Variants in SORL1 observed in about 807,000 individuals in gnomAD.
SORL1 encodes the protein sortilin-related receptor.
A neutral mutation model predicts 273.7 loss-of-function variants in SORL1; 127 were observed. That is an observed-to-expected ratio of 0.46 (90% CI 0.40 to 0.54). SORL1 has a LOEUF of 0.54. SORL1 is among the 20% of genes least tolerant of loss of function. SORL1 has a pLI of 0.00. For synonymous variants in SORL1, 1,031 were observed against 1,067.4 expected, an observed-to-expected ratio of 0.97 and a Z score of 0.66; for missense variants, 2,494 against 2,846.1, an observed-to-expected ratio of 0.88 and a Z score of 2.81.
chr11:121,564,672 G>A (rs1274217281), intron 21 of SORL1, among the ~76,000 whole-genome samples: 1 of 152,052 alleles, frequency 6.6e-6, no homozygotes, highest in African/African-American at 2.4e-5. Context: ...TGTCTCCTGG[G>A]CTTAAGCAAT....
chr11:121,529,965 CTA>C (rs1475434633), intron 11 of SORL1, among the ~76,000 whole-genome samples: 2 of 151,988 alleles, frequency 1.3e-5, no homozygotes, highest in Non-Finnish European at 2.9e-5. Flanking sequence ...GGGGGCTTAT[CTA>C]TGTGTATTTC....
chr11:121,581,400 A>G (rs932051566), intron 25 of SORL1, among the ~76,000 whole-genome samples: 2 of 152,216 alleles, frequency 1.3e-5, no homozygotes, highest in African/African-American at 4.8e-5. Flanking sequence ...GACCTATATT[A>G]GAAACTGATG....
At chr11:121,454,763 G>T (rs1424901878) in intron 1 of SORL1, among the ~76,000 whole-genome samples, 1 of 152,242 alleles carries the variant, frequency 6.6e-6, no homozygotes, top group Non-Finnish European at 1.5e-5. Context: ...AGACCCTTCA[G>T]AATGCAAGCA....
Position 121,627,266 on chromosome 11 carries a change from C to T in SORL1, c.6365-289C>T. On this transcript the variant is annotated intron_variant, in intron 46 of 47. Coordinates refer to ENST00000260197, the MANE Select transcript of SORL1 (RefSeq NM_003105.6). This position sits in a 1 kb window ranked among gnomAD's most constrained non-coding sequence, Gnocchi z 4.9. ...AATGAAATCAATGTTGATACCCCAA[C>T]AAAGGTCTCCCTTCCAAGAGATTAT... is the stretch of plus-strand genomic sequence containing the variant. 1 of 407,844 alleles carries T rather than the reference C, an allele frequency of 2.5e-6. No individual in the cohort carries two copies. The highest frequency in any genetic ancestry group is 4.5e-6 in the Non-Finnish European group (1 of 224,474). The allele number at this position is 407,844 out of a possible 1,614,324, so 25.3% of individuals were successfully genotyped here. A position where few individuals can be genotyped will look rare whatever the true frequency, so the allele number is the denominator to read the frequency against.
At chr11:121,457,319 G>A (rs956565643) in intron 1 of SORL1, among the ~76,000 whole-genome samples, 5 of 152,154 alleles carry the variant, frequency 3.3e-5, no homozygotes, top group Non-Finnish European at 4.4e-5. Context: ...AACAAAATTT[G>A]TACAAAAGCG....
At chr11:121,621,989 A>G (rs746379388) in intron 44 of SORL1, among the ~76,000 whole-genome samples, 173 bp from the exon 45 acceptor site, 1 of 152,248 alleles carries the variant, frequency 6.6e-6, no homozygotes, top group Non-Finnish European at 1.5e-5. Context: ...AGAGATGCCA[A>G]TAAAGAATAT....
chr11:121,538,460 T>C (rs1231165906), intron 12 of SORL1, among the ~76,000 whole-genome samples: 3 of 152,152 alleles, frequency 2.0e-5, no homozygotes, highest in East Asian at 1.9e-4. Context: ...AGCATAATGA[T>C]TTTGAGATTT....
rs1591327037 is a variant in SORL1, at chr11:121,559,466, A to C, written c.2911-53A>C. ...GGGGGAACTCTTACCCTTAGAGAGA[A>C]CCAGAATAAAGAACGAAAGAGCTGG... is the stretch of plus-strand genomic sequence containing the variant. On this transcript the variant is annotated intron_variant, in intron 20 of 47. Coordinates refer to ENST00000260197, the MANE Select transcript of SORL1 (RefSeq NM_003105.6). The C allele has an allele frequency of 6.3e-6, 10 of 1,578,278 alleles. No individual in the cohort carries two copies. In the East Asian group the frequency reaches 2.2e-4, roughly 35 times the overall value.
At chr11:121,511,537 C>T (rs1368355031) in intron 6 of SORL1, among the ~76,000 whole-genome samples, 1 of 152,146 alleles carries the variant, frequency 6.6e-6, no homozygotes, top group African/African-American at 2.4e-5. Flanking sequence ...GAACTGTTTT[C>T]TTATTCAGTT....
intron 2 of SORL1, among the ~76,000 whole-genome samples, chr11:121,471,711 A>G (rs1340253937): frequency 6.6e-6 from 1 of 152,104 alleles, no homozygotes; most frequent in Non-Finnish European, 1.5e-5. Flanking sequence ...GTTGAGAAGC[A>G]GGTGTTGGGA....
Position 121,595,766 on chromosome 11 carries a change from A to C in SORL1, c.4513A>C (p.Asn1505His), listed in dbSNP as rs1364025830. 2 of 1,612,380 alleles carry C rather than the reference A, an allele frequency of 1.2e-6. No individual in the cohort carries two copies. The highest frequency in any genetic ancestry group is 1.1e-5 in the South Asian group (1 of 91,052). The stretch of plus-strand genomic sequence containing the variant: ...TTGCCAGGATGGCCGGGACGAGGCC[A>C]ATTGCCGTGAGTAGTCAGAGAGCCC... ...QDCQDGRDEA[N>H]CPTHSTLTCM... The change falls in exon 32 of 48, where the codon AAT (asparagine) becomes CAT (histidine). Residue 1505 changes from asparagine to histidine, a missense_variant. By Grantham distance (68) the Asn-to-His change is moderately conservative (BLOSUM62 1). This residue lies in a region of SORL1 where 1,609 missense variants were observed against 1,816.4 expected (regional missense o/e 0.89). Transcript: ENST00000260197. The surrounding 1 kb of genome is among the most constrained non-coding windows in gnomAD (Gnocchi z 5.1).
chr11:121,484,325 A>G (rs1861439499), intron 3 of SORL1, among the ~76,000 whole-genome samples: 1 of 152,192 alleles, frequency 6.6e-6, no homozygotes, highest in Admixed American at 6.5e-5. Context: ...TAAGTATTTC[A>G]TTTAGGCCCT....
chr11:121,578,133 T>C lies in SORL1; in HGVS notation c.3580+733T>C, dbSNP rs532774202. Among the ~76,000 whole-genome samples the C allele has an allele frequency of 4.6e-5, 7 of 152,342 alleles. No homozygotes were observed. In the South Asian group the frequency reaches 1.2e-3, roughly 27 times the overall value. On this transcript the variant is annotated intron_variant, in intron 25 of 47. Transcript: ENST00000260197. ...TTTTTGTTCCAGATTTTATTACTCATTGAGTAAATTTGCTCTACAGCCTCC... is the reference window on the plus strand; with the variant it reads ...TTTTTGTTCCAGATTTTATTACTCACTGAGTAAATTTGCTCTACAGCCTCC...
At chr11:121,542,302 C>T (rs1409375502) in intron 12 of SORL1, among the ~76,000 whole-genome samples, 4 of 152,206 alleles carry the variant, frequency 2.6e-5, no homozygotes, top group Non-Finnish European at 5.9e-5. Context: ...TTTTCCCCTT[C>T]AATCCGGGAT....
At chr11:121,515,023 G>A (rs1474469366) in intron 8 of SORL1, among the ~76,000 whole-genome samples, 1 of 152,248 alleles carries the variant, frequency 6.6e-6, no homozygotes, top group South Asian at 2.1e-4. Flanking sequence ...AGAGTCTCCC[G>A]TGTGAAGCTG....
intron 5 of SORL1, among the ~76,000 whole-genome samples, chr11:121,495,463 C>G (rs150287610): frequency 6.6e-6 from 1 of 152,236 alleles, no homozygotes; most frequent in Admixed American, 6.5e-5. Flanking sequence ...ATGCTCTTGA[C>G]AGTATATCTC....
chr11:121,590,580 T>G (rs1022256169), intron 30 of SORL1: 1 of 575,118 alleles, frequency 1.7e-6, no homozygotes, highest in African/African-American at 1.9e-5. Context: ...TCATGTGGAA[T>G]GCAGACTTGC....
rs779812107 is a variant in SORL1 at position 121,621,045 on chromosome 11, T to G, written c.5890-19T>G. 2.2e-5 allele frequency: 34 copies of G among 1,559,716 alleles called. No individual in the cohort carries two copies. The South Asian group carries it at 3.6e-4, about 17-fold the overall frequency. On this transcript the variant is annotated intron_variant, in intron 43 of 47. Coordinates refer to ENST00000260197, the MANE Select transcript of SORL1 (RefSeq NM_003105.6). ...GTCAACTTTCTGATTATCATTCACTTGTTCTTTTTTGGTCCTAGTTGTATG... is the reference window on the plus strand; with the variant it reads ...GTCAACTTTCTGATTATCATTCACTGGTTCTTTTTTGGTCCTAGTTGTATG...
rs763488914 is a variant in SORL1, at chr11:121,452,450, C to T, written c.119C>T (p.Ala40Val). 6.6e-7 allele frequency: 1 copy of T among 1,508,846 alleles called. No individual in the cohort carries two copies. The highest frequency in any genetic ancestry group is 8.8e-7 in the Non-Finnish European group (1 of 1,130,356). 93.5% of individuals were successfully genotyped at this position (1,508,846 alleles called of 1,614,324 possible). Residue 40 changes from alanine (A) to valine (V), a missense_variant, in exon 1 of 48, where the codon GCG becomes GTG. Physicochemically the swap from Ala to Val is moderately conservative, Grantham distance 64. Coordinates refer to ENST00000260197, the MANE Select transcript of SORL1 (RefSeq NM_003105.6). This position sits in a 1 kb window ranked among gnomAD's most constrained non-coding sequence, Gnocchi z 5.3. Reference protein sequence around the residue: ...VWTQRLHGGSAPLPQDRGFLV... With the variant: ...VWTQRLHGGSVPLPQDRGFLV... ...ACGCAGAGGCTGCACGGCGGCAGCGCGCCCTTGCCCCAGGACCGGGGCTTC... is the reference window on the plus strand; with the variant it reads ...ACGCAGAGGCTGCACGGCGGCAGCGTGCCCTTGCCCCAGGACCGGGGCTTC...
Sources: allele counts gnomAD v4.1 joint callset (sites outside exome capture counted in the v4.1 genomes callset), GRCh38; gene constraint gnomAD v4.1.1; regional missense constraint gnomAD v4.1.1; non-coding constraint Gnocchi (gnomAD v3.1); transcripts MANE v1.5; gene names NCBI Gene and HGNC (gene_info 2026-07-23, HGNC 2026-07-21).